Variants in CNGB3 observed in about 807,000 individuals in gnomAD.
CNGB3 encodes the protein cyclic nucleotide gated channel subunit beta 3.
CNGB3 carries 86 observed loss-of-function variants against 92.8 expected under a neutral mutation model. The observed-to-expected ratio is 0.93, with a 90% CI of 0.78 to 1.11. CNGB3 has a LOEUF of 1.11. Ranked by LOEUF, CNGB3 falls within the 50% of genes least tolerant of loss-of-function variation. The pLI is 0.00. For synonymous variants in CNGB3, 333 were observed against 332.7 expected (o/e 1.00, Z -0.01); for missense variants, 1,026 against 956.8 (o/e 1.07, Z -0.95).
intron 3 of CNGB3, among the ~76,000 whole-genome samples, chr8:86,720,538 C>A (rs1476477047): frequency 6.6e-6 from 1 of 152,004 alleles, no homozygotes; most frequent in Non-Finnish European, 1.5e-5. Context: ...GGAACACTTA[C>A]ACTGTTGGTG....
rs181949281 is a variant in CNGB3, at chr8:86,615,327, G to A, written c.1579-3656C>T. Among the ~76,000 whole-genome samples, 351 of 152,224 alleles carry A rather than the reference G, an allele frequency of 2.3e-3. 10 individuals are homozygous for A. In the East Asian group the frequency reaches 0.057, roughly 25 times the overall value. On this transcript the variant is annotated intron_variant, in intron 13 of 17. Coordinates refer to ENST00000320005, the MANE Select transcript of CNGB3 (RefSeq NM_019098.5). Reference sequence around the variant, plus strand: ...AGTTAAAATAAACTACAGATCGGCCGGGTGTGGTGGCTCACACCTGTAATC... The same window carrying A: ...AGTTAAAATAAACTACAGATCGGCCAGGTGTGGTGGCTCACACCTGTAATC...
intron 14 of CNGB3, among the ~76,000 whole-genome samples, chr8:86,607,071 CA>C (rs968301092): frequency 3.3e-5 from 5 of 152,152 alleles, no homozygotes; most frequent in African/African-American, 9.7e-5. Context: ...AATGATTTTT[CA>C]AAGGCAGTTA....
intron 12 of CNGB3, among the ~76,000 whole-genome samples, chr8:86,626,992 T>G (rs1822861998): frequency 6.6e-6 from 1 of 152,098 alleles, no homozygotes; most frequent in Non-Finnish European, 1.5e-5. Context: ...TTCCTGATCC[T>G]GTCCCTCTAC....
intron 15 of CNGB3, among the ~76,000 whole-genome samples, chr8:86,585,508 G>C (rs1047327749): frequency 3.4e-4 from 52 of 152,066 alleles, no homozygotes; most frequent in Non-Finnish European, 4.9e-4. Flanking sequence ...TAGAGCTACT[G>C]TATCCAGAAA....
intron 10 of CNGB3, among the ~76,000 whole-genome samples, chr8:86,633,212 G>A (rs1822996385): frequency 6.6e-6 from 1 of 152,182 alleles, no homozygotes; most frequent in African/African-American, 2.4e-5. Context: ...ACTCATTTAT[G>A]TTCCATGATG....
chr8:86,710,595 A>T (rs1824732177), intron 3 of CNGB3, among the ~76,000 whole-genome samples: 1 of 152,082 alleles, frequency 6.6e-6, no homozygotes, highest in African/African-American at 2.4e-5. Context: ...ACTCAACCAG[A>T]CCTCTTTTCT....
chr8:86,578,714 T>G lies in CNGB3; in HGVS notation c.2078A>C (p.Lys693Thr). The change falls in exon 17 of 18, where the codon AAA becomes ACA. Residue 693 changes from lysine to threonine, a missense_variant. Physicochemically the swap from Lys to Thr is moderately conservative, Grantham distance 78 (BLOSUM62 -1). Coordinates refer to ENST00000320005, the MANE Select transcript of CNGB3 (RefSeq NM_019098.5). ...TGKASLARLL[K>T]LKREQAAQKK... ...CTGAGCTGCTTGCTCTCGCTTCAAT[T>G]TGAGTAGTCTTGCAAGACTTGCTTT... The G allele has an allele frequency of 6.2e-7, 1 of 1,614,082 alleles. No homozygotes were observed.
chr8:86,651,031 C>G (rs1471827570), intron 7 of CNGB3, among the ~76,000 whole-genome samples: 1 of 151,722 alleles, frequency 6.6e-6, no homozygotes, highest in Admixed American at 6.6e-5. Flanking sequence ...AGCTGGAGGC[C>G]ATTATTCTAA....
At chr8:86,583,349 C>A (rs979783157) in intron 15 of CNGB3, among the ~76,000 whole-genome samples, 1 of 152,152 alleles carries the variant, frequency 6.6e-6, no homozygotes, top group Admixed American at 6.6e-5. Flanking sequence ...TGTTGTAAGG[C>A]ACCACATGTG....
intron 1 of CNGB3, among the ~76,000 whole-genome samples, chr8:86,741,827 A>T (rs1487137771): frequency 6.6e-6 from 1 of 152,084 alleles, no homozygotes; most frequent in Non-Finnish European, 1.5e-5. Context: ...AGGAAAGATA[A>T]CTCTTTAAGA....
chr8:86,575,363 C>G lies in CNGB3; in HGVS notation c.*441G>C, dbSNP rs1400107120. 1 of 154,648 alleles carries G rather than the reference C, an allele frequency of 6.5e-6. No individual in the cohort carries two copies. The highest frequency in any genetic ancestry group is 1.9e-4 in the East Asian group (1 of 5,220). 9.6% of individuals were successfully genotyped at this position (154,648 alleles called of 1,614,324 possible). On this transcript the variant is annotated 3_prime_UTR_variant, in exon 18 of 18. Coordinates refer to ENST00000320005, the MANE Select transcript of CNGB3 (RefSeq NM_019098.5). ...GACCTATTACATTAAAATCTTATAC[C>G]CTTTACATGTAAGAGGTGAAATTCA...
At chr8:86,604,355 C>A in intron 14 of CNGB3, 144 bp from the exon 15 acceptor site, 1 of 613,926 alleles carries the variant, frequency 1.6e-6, no homozygotes, top group Non-Finnish European at 2.9e-6. Context: ...TATCTTAAGA[C>A]CTAAAGTATT....
Position 86,647,863 on chromosome 8 carries a change from AT to A in CNGB3, c.927del (p.Phe310LeufsTer20), listed in dbSNP as rs774405526. 1 of 1,597,358 alleles carries A rather than the reference AT, an allele frequency of 6.3e-7. No individual in the cohort carries two copies. Among genetic ancestry groups the A allele is most frequent in the South Asian group, 1.1e-5 (1 of 90,692 alleles). On this transcript the variant is annotated frameshift_variant, in exon 8 of 18. Coordinates refer to ENST00000320005, the MANE Select transcript of CNGB3 (RefSeq NM_019098.5). LOFTEE classifies it high-confidence loss of function. ...KFQLDVASII[P>X]FDICYLFFGF... ...CCAAAGAAGAGGTAGCAAATATCAA[AT>A]GGTATTATTGATGCGACATCCAACT...
At chr8:86,711,835 CTATA>C (rs10608743) in intron 3 of CNGB3, among the ~76,000 whole-genome samples, 27,152 of 123,578 alleles carry the variant, frequency 0.22, 2,693 homozygotes, top group South Asian at 0.31. Flanking sequence ...CTCTCTCTCT[CTATA>C]TATATATATA....
chr8:86,669,132 C>T (rs987944492), intron 4 of CNGB3, among the ~76,000 whole-genome samples: 9 of 151,814 alleles, frequency 5.9e-5, no homozygotes, highest in Non-Finnish European at 1.0e-4. Flanking sequence ...ATTGTAACTC[C>T]AATATTACAG....
intron 3 of CNGB3, among the ~76,000 whole-genome samples, chr8:86,684,010 T>A (rs1563753266): frequency 6.6e-6 from 1 of 152,142 alleles, no homozygotes; most frequent in Non-Finnish European, 1.5e-5. Flanking sequence ...GGGAAACTTT[T>A]GCTTTGTGAA....
chr8:86,575,985 G>C lies in CNGB3; in HGVS notation c.2249C>G (p.Pro750Arg), dbSNP rs1243749754. 2 of 1,613,836 alleles carry C rather than the reference G, an allele frequency of 1.2e-6. No homozygotes were observed. The highest frequency in any genetic ancestry group is 1.7e-5 in the Admixed American group (1 of 60,004). Residue 750 changes from proline (P) to arginine (R), a missense_variant, in exon 18 of 18, where the codon CCA becomes CGA. Transcript: ENST00000320005. ...TGCTGTACATTCAGGTCTGTCCAGT[G>C]GCTTCTCTTCTGGCTCTCTTCCTTT... ...KDKGREPEEK[P>R]LDRPECTASP... is the part of the protein sequence containing the mutation.
chr8:86,672,695 T>A (rs549399571), intron 3 of CNGB3, among the ~76,000 whole-genome samples: 3 of 152,130 alleles, frequency 2.0e-5, no homozygotes, highest in Non-Finnish European at 4.4e-5. Context: ...TATGAGCCCC[T>A]CTCCATGAAC....
intron 3 of CNGB3, among the ~76,000 whole-genome samples, chr8:86,676,011 C>A (rs571804747): frequency 2.1e-4 from 32 of 152,108 alleles, no homozygotes; most frequent in African/African-American, 7.7e-4. Flanking sequence ...GCGGGGAAGT[C>A]CACTGTGAAA....
Sources: gnomAD v4.1 joint callset for allele counts (sites outside exome capture counted in the v4.1 genomes callset) on GRCh38, gnomAD v4.1.1 for gene constraint, MANE v1.5 for transcripts, NCBI Gene and HGNC (gene_info 2026-07-23, HGNC 2026-07-21) for gene names.